ATXN1: variants seen among roughly 807,000 people sequenced by gnomAD.
ATXN1 encodes ataxin 1.
Under a neutral mutation model 56.4 loss-of-function variants are expected in ATXN1, and 8 were observed. The observed-to-expected ratio is 0.14, with a 90% CI of 0.08 to 0.26. The LOEUF (loss-of-function observed/expected upper bound fraction) is 0.26. Among genes scored for constraint, ATXN1 ranks in the 10% least tolerant of loss-of-function variants. The pLI is 1.00. For synonymous variants in ATXN1, 514 were observed against 494.6 expected, an observed-to-expected ratio of 1.04 and a Z score of -0.52; for missense variants, 987 against 1,106.5, an observed-to-expected ratio of 0.89 and a Z score of 1.53.
At chr6:16,634,029 T>G (rs1346781827) in intron 3 of ATXN1, among the ~76,000 whole-genome samples, 1 of 152,360 alleles carries the variant, frequency 6.6e-6, no homozygotes, top group African/African-American at 2.4e-5. Flanking sequence ...TGAAAGGCTA[T>G]TCTTCACTCC....
chr6:16,393,461 C>T (rs968533084), intron 6 of ATXN1, among the ~76,000 whole-genome samples: 1 of 152,170 alleles, frequency 6.6e-6, no homozygotes, highest in Non-Finnish European at 1.5e-5. Context: ...TCTTGAATTC[C>T]TGACCTCAAG....
At chr6:16,394,850 G>A (rs565249967) in intron 6 of ATXN1, among the ~76,000 whole-genome samples, 12 of 152,224 alleles carry the variant, frequency 7.9e-5, no homozygotes, top group Admixed American at 2.0e-4. Context: ...TTTCCAGGAT[G>A]GTCCTGAACT....
intron 6 of ATXN1, among the ~76,000 whole-genome samples, chr6:16,398,685 C>G (rs1013632187): frequency 6.6e-6 from 1 of 152,110 alleles, no homozygotes; most frequent in African/African-American, 2.4e-5. Flanking sequence ...AAATCCCTGC[C>G]TTTTATCAGA....
chr6:16,327,490 T>TGGTGGG lies in ATXN1; in HGVS notation c.815_820dup (p.Pro272_His273dup), dbSNP rs1435787526. ...GGTGAGCGTGTGTGGGATCATCGTCTGGTGGGGGTGGAGGTGGACGGGGAT... is the reference window on the plus strand; with the variant it reads ...GGTGAGCGTGTGTGGGATCATCGTCTGGTGGGGGTGGGGGTGGAGGTGGACGGGGAT... On this transcript the variant is annotated inframe_insertion, in exon 7 of 8. Coordinates refer to ENST00000436367, the MANE Select transcript of ATXN1 (RefSeq NM_001128164.2). 1 of 1,612,326 alleles carries TGGTGGG rather than the reference T, an allele frequency of 6.2e-7. No homozygotes were observed. Among genetic ancestry groups the TGGTGGG allele is most frequent in the Non-Finnish European group, 8.5e-7 (1 of 1,179,660 alleles).
intron 3 of ATXN1, among the ~76,000 whole-genome samples, chr6:16,633,614 C>T (rs1405814829): frequency 6.6e-6 from 1 of 152,156 alleles, no homozygotes; most frequent in Non-Finnish European, 1.5e-5. Context: ...GAGGTTCCTG[C>T]CTTGCGAGAG....
At chr6:16,702,619 G>A (rs1302331887) in intron 2 of ATXN1, among the ~76,000 whole-genome samples, 5 of 152,042 alleles carry the variant, frequency 3.3e-5, no homozygotes, top group Non-Finnish European at 7.4e-5. Flanking sequence ...AATCTACAAA[G>A]AACTCAAACA....
chr6:16,591,162 G>A (rs1428230030), intron 3 of ATXN1, among the ~76,000 whole-genome samples: 1 of 151,898 alleles, frequency 6.6e-6, no homozygotes, highest in African/African-American at 2.4e-5. Flanking sequence ...TTGCTATGTC[G>A]CCCAGGCTGG....
intron 6 of ATXN1, among the ~76,000 whole-genome samples, chr6:16,414,528 T>C (rs766208681): frequency 9.9e-5 from 15 of 152,202 alleles, no homozygotes; most frequent in Non-Finnish European, 2.2e-4. Flanking sequence ...AGACAGAAGA[T>C]AACCAAATGT....
intron 4 of ATXN1, among the ~76,000 whole-genome samples, chr6:16,576,082 T>C (rs1330453651): frequency 2.0e-5 from 3 of 149,800 alleles, no homozygotes; most frequent in East Asian, 1.9e-4. Flanking sequence ...TCTAGGAAAA[T>C]TGGAAACAGC....
intron 6 of ATXN1, among the ~76,000 whole-genome samples, chr6:16,427,310 G>A (rs1475459363): frequency 6.6e-6 from 1 of 152,214 alleles, no homozygotes; most frequent in Non-Finnish European, 1.5e-5. Context: ...CTCACTAGAT[G>A]CTGGTAGCTC....
chr6:16,609,441 C>T (rs888566288), intron 3 of ATXN1, among the ~76,000 whole-genome samples: 2 of 152,224 alleles, frequency 1.3e-5, no homozygotes, highest in Non-Finnish European at 2.9e-5. Flanking sequence ...ATGAGAACCA[C>T]TGTCTCTTGC....
intron 6 of ATXN1, among the ~76,000 whole-genome samples, chr6:16,337,669 G>C (rs890122126): frequency 3.9e-5 from 6 of 152,198 alleles, no homozygotes; most frequent in Non-Finnish European, 8.8e-5. Context: ...TTAAAGCGTA[G>C]TGCATTCCAG....
chr6:16,396,933 T>C (rs969400286), intron 6 of ATXN1, among the ~76,000 whole-genome samples: 19 of 152,232 alleles, frequency 1.2e-4, no homozygotes, highest in Admixed American at 9.8e-4. Flanking sequence ...TGTCCAAGTT[T>C]GTATCCTAGG....
In ATXN1 at chr6:16,740,891, A is replaced by G. The variant is rs182338662; in HGVS notation, c.-615+12342T>C. ...CAAGGGGTAACTGGGAATTGCACAT[A>G]CCCAAGGGATTGGACTCTTGCATTT... is the stretch of plus-strand genomic sequence containing the variant. On this transcript the variant is annotated intron_variant, in intron 2 of 7. Transcript: ENST00000436367. 7.3e-4 allele frequency among the ~76,000 whole-genome samples: 111 copies of G among 152,246 alleles called. 1 individual carries two copies. In the Middle Eastern group the frequency reaches 0.01, roughly 14 times the overall value.
Position 16,327,406 on chromosome 6 carries a change from G to A in ATXN1, c.905C>T (p.Pro302Leu), listed in dbSNP as rs924615813. ...CTCAGCTTTCTTGGTGGCCTCCCGA[G>A]GGACAAAGTGGCTGCCGGAGTCGGC... is the stretch of plus-strand genomic sequence containing the variant. ...QYADSGSHFVPREATKKAESS... is the reference protein window; with the variant it reads ...QYADSGSHFVLREATKKAESS... The change falls in exon 7 of 8, where the codon CCT (proline) becomes CTT (leucine). Residue 302 changes from proline (P) to leucine (L), a missense_variant. Coordinates refer to ENST00000436367, the MANE Select transcript of ATXN1 (RefSeq NM_001128164.2). The A allele has an allele frequency of 1.9e-6, 3 of 1,613,574 alleles. No homozygotes were observed. The highest frequency in any genetic ancestry group is 1.3e-5 in the African/African-American group (1 of 74,940).
chr6:16,656,981 C>CTT (rs869034865), intron 3 of ATXN1, among the ~76,000 whole-genome samples: 8,351 of 120,348 alleles, frequency 0.069, 1,229 homozygotes, highest in African/African-American at 0.25. Flanking sequence ...GTATTATAAT[C>CTT]TTTTTTTTTT....
rs1581392690 is a variant in ATXN1, at chr6:16,720,354, G to A, written c.-615+32879C>T. Among the ~76,000 whole-genome samples, 2 of 152,294 alleles carry A rather than the reference G, an allele frequency of 1.3e-5. 1 individual carries two copies. The highest frequency in any genetic ancestry group is 3.9e-4 in the East Asian group (2 of 5,192). On this transcript the variant is annotated intron_variant, in intron 2 of 7. Coordinates refer to ENST00000436367, the MANE Select transcript of ATXN1 (RefSeq NM_001128164.2). ...CTACTTATGCAATTTACTTGTGGTTGTCTCCACTATGAGAACATAAGCTCT... is the reference window on the plus strand; with the variant it reads ...CTACTTATGCAATTTACTTGTGGTTATCTCCACTATGAGAACATAAGCTCT...
chr6:16,669,813 A>G (rs1165000540), intron 2 of ATXN1, among the ~76,000 whole-genome samples: 5 of 151,468 alleles, frequency 3.3e-5, no homozygotes, highest in Admixed American at 1.3e-4. Context: ...TGCATTAGGT[A>G]TTTGTCCAAA....
At chr6:16,672,664 T>C (rs577594372) in intron 2 of ATXN1, among the ~76,000 whole-genome samples, 10 of 152,214 alleles carry the variant, frequency 6.6e-5, no homozygotes, top group African/African-American at 1.7e-4. Flanking sequence ...AGATGCAACA[T>C]TGATGGCTTT....
Sources: gnomAD v4.1 joint callset for allele counts (sites outside exome capture counted in the v4.1 genomes callset) on GRCh38, gnomAD v4.1.1 for gene constraint, MANE v1.5 for transcripts, NCBI Gene and HGNC (gene_info 2026-07-23, HGNC 2026-07-21) for gene names.